Variants in CYYR1 observed in about 807,000 individuals in gnomAD.
The protein encoded by CYYR1 is cysteine and tyrosine-rich protein 1.
CYYR1 carries 14 observed loss-of-function variants against 15.2 expected under a neutral mutation model. That is an observed-to-expected ratio of 0.92 (90% CI 0.61 to 1.44). CYYR1 has a LOEUF of 1.44. CYYR1 is among the 40% of genes most tolerant of loss of function. The pLI is 0.00. For synonymous variants in CYYR1, 80 were observed against 77.4 expected (o/e 1.03, Z -0.18); for missense variants, 228 against 209.5 (o/e 1.09, Z -0.54).
intron 2 of CYYR1, among the ~76,000 whole-genome samples, chr21:26,554,217 T>C (rs1979603073): frequency 6.6e-6 from 1 of 152,196 alleles, no homozygotes; most frequent in Non-Finnish European, 1.5e-5. Flanking sequence ...AGCCGGCAGT[T>C]AGAACACCAC....
At chr21:26,555,400 C>A (rs1203301311) in intron 2 of CYYR1, among the ~76,000 whole-genome samples, 1 of 152,122 alleles carries the variant, frequency 6.6e-6, no homozygotes, top group Non-Finnish European at 1.5e-5. Context: ...TTTGCAACCA[C>A]AGGTAGCTCT....
chr21:26,506,518 A>C (rs1474142832), intron 2 of CYYR1: 2 of 152,236 alleles, frequency 1.3e-5, no homozygotes, highest in East Asian at 3.9e-4. Context: ...CTCTAGGGGC[A>C]GCTACACTCT....
intron 2 of CYYR1, among the ~76,000 whole-genome samples, chr21:26,482,967 TCTC>T (rs1461047624): frequency 6.6e-6 from 1 of 152,070 alleles, no homozygotes; most frequent in East Asian, 1.9e-4. Context: ...TGTTGAAACT[TCTC>T]CATACAATGT....
intron 2 of CYYR1, among the ~76,000 whole-genome samples, chr21:26,499,236 G>A (rs768058475): frequency 7.2e-5 from 11 of 152,124 alleles, no homozygotes; most frequent in Non-Finnish European, 1.6e-4. Flanking sequence ...GATTACCTGG[G>A]TCAGCCCTAA....
At chr21:26,552,404 CAT>C (rs1248008071) in intron 2 of CYYR1, among the ~76,000 whole-genome samples, 9 of 152,028 alleles carry the variant, frequency 5.9e-5, no homozygotes, top group Admixed American at 3.9e-4. Context: ...AAATGAATAA[CAT>C]ATATTTGAGT....
At chr21:26,571,733 T>C (rs1681069434) in intron 1 of CYYR1, among the ~76,000 whole-genome samples, 1 of 152,184 alleles carries the variant, frequency 6.6e-6, no homozygotes, top group Non-Finnish European at 1.5e-5. Flanking sequence ...ATAAAAGAAA[T>C]AAATGTTGTA....
chr21:26,544,940 C>T (rs187407163), intron 2 of CYYR1, among the ~76,000 whole-genome samples: 9 of 151,798 alleles, frequency 5.9e-5, no homozygotes, highest in Non-Finnish European at 1.2e-4. Flanking sequence ...GAGTGAGACC[C>T]TATCTCAACA....
At chr21:26,480,473 A>G in intron 2 of CYYR1, 44 bp from the exon 3 acceptor site, 1 of 1,573,280 alleles carries the variant, frequency 6.4e-7, no homozygotes. Flanking sequence ...ACTTGTAAGC[A>G]TTCTTTAGAC....
chr21:26,474,586 A>G (rs1448858549), intron 3 of CYYR1, among the ~76,000 whole-genome samples: 50 of 151,742 alleles, frequency 3.3e-4, no homozygotes, highest in Admixed American at 3.3e-3. Context: ...TCCTTCACTG[A>G]AGACTTAACA....
At chr21:26,538,767 GT>G (rs2123637053) in intron 2 of CYYR1, among the ~76,000 whole-genome samples, 1 of 152,260 alleles carries the variant, frequency 6.6e-6, no homozygotes, top group South Asian at 2.1e-4. Context: ...AAATACCTGT[GT>G]CTAGTTCAGA....
Position 26,467,024 on chromosome 21 carries a change from TACAG to T in CYYR1, c.*1473_*1476del, listed in dbSNP as rs1464227222. The T allele has an allele frequency of 6.6e-6, 1 of 152,202 alleles. No homozygotes were observed. Among genetic ancestry groups the T allele is most frequent in the East Asian group, 1.9e-4 (1 of 5,198 alleles). The allele number at this position is 152,202 out of a possible 1,614,324, so 9.4% of individuals were successfully genotyped here. On this transcript the variant is annotated 3_prime_UTR_variant, in exon 4 of 4. Coordinates refer to ENST00000652641, the MANE Select transcript of CYYR1 (RefSeq NM_001320768.2). ...ATATAGTAAGCTTCTTATCTGCAAGTACAGGTACTATAACTTACACCTTAAAATG... is the reference window on the plus strand; with the variant it reads ...ATATAGTAAGCTTCTTATCTGCAAGTGTACTATAACTTACACCTTAAAATG...
intron 2 of CYYR1, among the ~76,000 whole-genome samples, chr21:26,499,164 T>C (rs1368134523): frequency 6.6e-6 from 1 of 152,200 alleles, no homozygotes; most frequent in Non-Finnish European, 1.5e-5. Context: ...CTGAACCATA[T>C]TTGGAAAGGG....
chr21:26,505,137 A>G (rs1370144080), intron 2 of CYYR1, among the ~76,000 whole-genome samples: 1 of 152,248 alleles, frequency 6.6e-6, no homozygotes, highest in African/African-American at 2.4e-5. Flanking sequence ...ATTAAAACAT[A>G]GCTCAGAGAT....
intron 2 of CYYR1, among the ~76,000 whole-genome samples, chr21:26,516,992 G>A (rs2065736150): frequency 1.3e-5 from 2 of 150,424 alleles, no homozygotes; most frequent in South Asian, 2.1e-4. Context: ...GCGGGCGCCT[G>A]TAGTCCCAGC....
chr21:26,478,325 A>T (rs2065129147), intron 3 of CYYR1, among the ~76,000 whole-genome samples: 1 of 152,132 alleles, frequency 6.6e-6, no homozygotes, highest in African/African-American at 2.4e-5. Flanking sequence ...TCAGGAGGTG[A>T]CCTTTGATTA....
chr21:26,495,341 G>A (rs760040107), intron 2 of CYYR1, among the ~76,000 whole-genome samples: 12 of 152,126 alleles, frequency 7.9e-5, no homozygotes, highest in Non-Finnish European at 1.5e-4. Flanking sequence ...CAACAGTTAG[G>A]GCTTGCCAAA....
At chr21:26,501,591 GAA>G (rs1032927931) in intron 2 of CYYR1, among the ~76,000 whole-genome samples, 1 of 152,204 alleles carries the variant, frequency 6.6e-6, no homozygotes, top group African/African-American at 2.4e-5. Context: ...AACTGGAATT[GAA>G]AAGACTTTTC....
chr21:26,542,977 T>C (rs1275760204), intron 2 of CYYR1, among the ~76,000 whole-genome samples: 1 of 152,208 alleles, frequency 6.6e-6, no homozygotes, highest in Non-Finnish European at 1.5e-5. Flanking sequence ...GCCTAAATGA[T>C]ATATTCAACA....
At chr21:26,475,393 CT>C (rs1328832880) in intron 3 of CYYR1, among the ~76,000 whole-genome samples, 1 of 152,138 alleles carries the variant, frequency 6.6e-6, no homozygotes, top group African/African-American at 2.4e-5. Context: ...TAAATTGTCT[CT>C]GATCGTGCTG....
Sources: gnomAD v4.1 joint callset for allele counts (sites outside exome capture counted in the v4.1 genomes callset) on GRCh38, gnomAD v4.1.1 for gene constraint, MANE v1.5 for transcripts, NCBI Gene and HGNC (gene_info 2026-07-23, HGNC 2026-07-21) for gene names.